RFX2: variants seen among roughly 807,000 people sequenced by gnomAD.
RFX2 encodes the protein DNA-binding protein RFX2.
RFX2 carries 20 observed loss-of-function variants against 87.8 expected under a neutral mutation model. The observed-to-expected ratio is 0.23, with a 90% CI of 0.16 to 0.33. The LOEUF is 0.33. Ranked by LOEUF, RFX2 falls within the 10% of genes least tolerant of loss-of-function variation. The pLI, the probability that RFX2 is intolerant of heterozygous loss-of-function variation, is 1.00. For missense variants in RFX2, 767 were observed against 1,012.3 expected, an observed-to-expected ratio of 0.76 and a Z score of 3.29; for synonymous variants, 397 against 431.3, an observed-to-expected ratio of 0.92 and a Z score of 0.98.
Position 6,022,482 on chromosome 19 carries a change from G to A in RFX2, c.597+3681C>T, listed in dbSNP as rs1449091846. Among the ~76,000 whole-genome samples, 1 of 152,236 alleles carries A rather than the reference G, an allele frequency of 6.6e-6. No individual in the cohort carries two copies. The highest frequency in any genetic ancestry group is 1.9e-4 in the East Asian group (1 of 5,188). On this transcript the variant is annotated intron_variant, in intron 6 of 17. Coordinates refer to ENST00000303657, the MANE Select transcript of RFX2 (RefSeq NM_000635.4). The surrounding 1 kb of genome is among the most constrained non-coding windows in gnomAD (Gnocchi z 6.2). ...CAGACAGCGCCACCTCATGGTGACA[G>A]AGACTCGGTGAACCTGCTACGGGGT...
At chr19:6,104,167 C>T (rs148508212) in intron 1 of RFX2, among the ~76,000 whole-genome samples, 1 of 152,256 alleles carries the variant, frequency 6.6e-6, no homozygotes, top group East Asian at 1.9e-4. Flanking sequence ...GCAACTTTTC[C>T]TTTCCTCTTT....
At chr19:6,062,551 G>A (rs1490190891) in intron 1 of RFX2, among the ~76,000 whole-genome samples, 2 of 152,222 alleles carry the variant, frequency 1.3e-5, no homozygotes, top group Non-Finnish European at 2.9e-5. Context: ...CCTACGTGGA[G>A]CTTCCGTCTC....
intron 13 of RFX2, 152 bp from the exon 14 acceptor site, chr19:6,003,022 T>C (rs1568499511): frequency 4.7e-6 from 4 of 849,628 alleles, no homozygotes; most frequent in Non-Finnish European, 7.1e-6. Context: ...CCTGCTATTC[T>C]TAAGGACCCA....
chr19:6,086,137 T>G (rs146174131), intron 1 of RFX2, among the ~76,000 whole-genome samples: 4 of 150,576 alleles, frequency 2.7e-5, no homozygotes, highest in Non-Finnish European at 5.9e-5. Flanking sequence ...CCAATTTCAT[T>G]CTTTTGAATG....
chr19:6,053,194 G>T (rs902938296), intron 1 of RFX2, among the ~76,000 whole-genome samples: 3 of 152,158 alleles, frequency 2.0e-5, no homozygotes, highest in Non-Finnish European at 2.9e-5. Flanking sequence ...GCCATGAAAA[G>T]ACATGGAAGA....
At chr19:6,072,616 G>A (rs930400573) in intron 1 of RFX2, among the ~76,000 whole-genome samples, 5 of 152,030 alleles carry the variant, frequency 3.3e-5, no homozygotes, top group East Asian at 1.9e-4. Flanking sequence ...GAGGCAGGAG[G>A]ACTGCTTGAG....
rs550440662 is a variant in RFX2, at chr19:6,068,173, G to A, written c.-8-20669C>T. ...ATGGGAGGCTTTGCTTAGGGGACAC[G>A]GCTGGGTTCTGCCTGGATGCTGCAT... On this transcript the variant is annotated intron_variant, in intron 1 of 17. Coordinates refer to ENST00000303657, the MANE Select transcript of RFX2 (RefSeq NM_000635.4). The A allele has an allele frequency of 3.3e-5, 5 of 152,340 alleles. No homozygotes were observed. The East Asian group carries it at 7.7e-4, about 24-fold the overall frequency. 9.4% of individuals were successfully genotyped at this position (152,340 alleles called of 1,614,324 possible).
In RFX2 at chr19:6,013,863, T is replaced by A. The variant is rs1400975289; in HGVS notation, c.780-758A>T. Among the ~76,000 whole-genome samples, 1 of 152,224 alleles carries A rather than the reference T, an allele frequency of 6.6e-6. No individual in the cohort carries two copies. The highest frequency in any genetic ancestry group is 1.5e-5 in the Non-Finnish European group (1 of 68,038). On this transcript the variant is annotated intron_variant, in intron 7 of 17. Transcript: ENST00000303657. This position sits in a 1 kb window ranked among gnomAD's most constrained non-coding sequence, Gnocchi z 4.1. Reference sequence around the variant, plus strand: ...GAGAGTCCTCTCTCACAGGCTAGTATAATAAAGGCTCGGACAAGTCCTGTG... The same window carrying A: ...GAGAGTCCTCTCTCACAGGCTAGTAAAATAAAGGCTCGGACAAGTCCTGTG...
In RFX2 at chr19:6,016,327, C is replaced by A. The variant is rs1599854408; in HGVS notation, c.598-56G>T. Reference sequence around the variant, plus strand: ...CAGAAGCCTGAGGAACGCTAACATGCCAACGTGGACTCATTAAGAGAATTA... The same window carrying A: ...CAGAAGCCTGAGGAACGCTAACATGACAACGTGGACTCATTAAGAGAATTA... On this transcript the variant is annotated intron_variant, in intron 6 of 17. Coordinates refer to ENST00000303657, the MANE Select transcript of RFX2 (RefSeq NM_000635.4). The surrounding 1 kb of genome is among the most constrained non-coding windows in gnomAD (Gnocchi z 5.4). 2 of 1,266,366 alleles carry A rather than the reference C, an allele frequency of 1.6e-6. No homozygotes were observed. The highest frequency in any genetic ancestry group is 2.2e-6 in the Non-Finnish European group (2 of 903,340). The allele number at this position is 1,266,366 out of a possible 1,614,324, so 78.4% of individuals were successfully genotyped here.
intron 1 of RFX2, among the ~76,000 whole-genome samples, chr19:6,080,556 G>A (rs1468561648): frequency 1.3e-5 from 2 of 152,102 alleles, no homozygotes; most frequent in African/African-American, 2.4e-5. Context: ...GTGGTGGAGA[G>A]GGCTCCCCTC....
At position 6,047,552 on chromosome 19, in the gene RFX2, G is replaced by C; in HGVS notation, c.-8-48C>G. 2.1e-6 allele frequency: 3 copies of C among 1,450,620 alleles called. No individual in the cohort carries two copies. The South Asian group carries it at 3.6e-5, about 18-fold the overall frequency. The allele number at this position is 1,450,620 out of a possible 1,614,324, so 89.9% of individuals were successfully genotyped here. A position where few individuals can be genotyped will look rare whatever the true frequency, so the allele number is the denominator to read the frequency against. On this transcript the variant is annotated intron_variant, in intron 1 of 17. Coordinates refer to ENST00000303657, the MANE Select transcript of RFX2 (RefSeq NM_000635.4). The surrounding 1 kb of genome is among the most constrained non-coding windows in gnomAD (Gnocchi z 4.2). ...TGGGTGGGCAAGGGCTGCAAGCACTGAAATCCGAAGAGGCAACTAACAAGT... is the reference window on the plus strand; with the variant it reads ...TGGGTGGGCAAGGGCTGCAAGCACTCAAATCCGAAGAGGCAACTAACAAGT...
intron 1 of RFX2, among the ~76,000 whole-genome samples, chr19:6,106,238 T>C (rs1167350572): frequency 6.7e-6 from 1 of 148,900 alleles, no homozygotes; most frequent in Non-Finnish European, 1.5e-5. Flanking sequence ...TGCCCATCCA[T>C]CCATCCATCC....
In RFX2 at chr19:6,022,316, C is replaced by A. The variant is rs1401821419; in HGVS notation, c.597+3847G>T. Among the ~76,000 whole-genome samples, 2 of 152,234 alleles carry A rather than the reference C, an allele frequency of 1.3e-5. No homozygotes were observed. The highest frequency in any genetic ancestry group is 4.8e-5 in the African/African-American group (2 of 41,456). On this transcript the variant is annotated intron_variant, in intron 6 of 17. Coordinates refer to ENST00000303657, the MANE Select transcript of RFX2 (RefSeq NM_000635.4). This position sits in a 1 kb window ranked among gnomAD's most constrained non-coding sequence, Gnocchi z 6.2. Reference sequence around the variant, plus strand: ...ACAGCACGGCCATCGTGCCAGGCTACACAGGTCACCAGCTGAAGGCTAAAT... The same window carrying A: ...ACAGCACGGCCATCGTGCCAGGCTAAACAGGTCACCAGCTGAAGGCTAAAT...
chr19:6,026,581 T>TA lies in RFX2; in HGVS notation c.523-345_523-344insT. ...TGCAGCCACTGCATCCATTCCAGTGTCAGCCAAGCCAGCATCATAGTCACC... is the reference window on the plus strand; with the variant it reads ...TGCAGCCACTGCATCCATTCCAGTGTACAGCCAAGCCAGCATCATAGTCACC... On this transcript the variant is annotated intron_variant, in intron 5 of 17. Transcript: ENST00000303657. This position sits in a 1 kb window ranked among gnomAD's most constrained non-coding sequence, Gnocchi z 4.5. 2 of 323,352 alleles carry TA rather than the reference T, an allele frequency of 6.2e-6. No homozygotes were observed. Among genetic ancestry groups the TA allele is most frequent in the South Asian group, 2.9e-5 (1 of 34,850 alleles). 20.0% of individuals were successfully genotyped at this position (323,352 alleles called of 1,614,324 possible).
In RFX2 at chr19:6,046,225, G is replaced by A. The variant is rs370799074; in HGVS notation, c.90+1182C>T. 2.0e-4 allele frequency among the ~76,000 whole-genome samples: 31 copies of A among 152,250 alleles called. No individual in the cohort carries two copies. The East Asian group carries it at 3.5e-3, about 17-fold the overall frequency. On this transcript the variant is annotated intron_variant, in intron 2 of 17. Coordinates refer to ENST00000303657, the MANE Select transcript of RFX2 (RefSeq NM_000635.4). ...CTGAATGTGAAAATTCTCTCTCTGCGAATTTTAAAGAATATGTTCATTCAG... is the reference window on the plus strand; with the variant it reads ...CTGAATGTGAAAATTCTCTCTCTGCAAATTTTAAAGAATATGTTCATTCAG...
chr19:6,005,213 G>T (rs2086564567), intron 12 of RFX2, among the ~76,000 whole-genome samples: 1 of 152,206 alleles, frequency 6.6e-6, no homozygotes, highest in Non-Finnish European at 1.5e-5. Flanking sequence ...CAGTTTTCAG[G>T]CAGACAGGCA....
chr19:6,014,011 A>G (rs990095465), intron 7 of RFX2, among the ~76,000 whole-genome samples: 3 of 152,094 alleles, frequency 2.0e-5, no homozygotes, highest in Non-Finnish European at 4.4e-5. Flanking sequence ...GGAATAAGGC[A>G]CTGTTTGGGA....
chr19:6,010,184 G>A lies in RFX2; in HGVS notation c.967C>T (p.Pro323Ser), dbSNP rs771985162. 63 of 1,548,796 alleles carry A rather than the reference G, an allele frequency of 4.1e-5. No individual in the cohort carries two copies. Among genetic ancestry groups the A allele is most frequent in the Non-Finnish European group, 5.4e-5 (62 of 1,146,982 alleles). The change falls in exon 9 of 18, where the codon CCG becomes TCG. Residue 323 changes from proline (P) to serine (S), a missense_variant. Pro to Ser is a moderately conservative substitution (Grantham distance 74). Coordinates refer to ENST00000303657, the MANE Select transcript of RFX2 (RefSeq NM_000635.4). The surrounding 1 kb of genome is among the most constrained non-coding windows in gnomAD (Gnocchi z 5.0). ...CTCTGCACGGCCATGGTCTGTTCCG[G>A]AGTGCTGTGCAGGCCGCTGTGGGAG... ...SGSHSGLHST[P>S]EQTMAVQSQH...
intron 7 of RFX2, among the ~76,000 whole-genome samples, 179 bp downstream of exon 7, chr19:6,015,911 C>T (rs928148649): frequency 6.6e-6 from 1 of 152,256 alleles, no homozygotes. Flanking sequence ...AAGCCGACAC[C>T]GTGGGCTACA....
Sources: gnomAD v4.1 joint callset for allele counts (sites outside exome capture counted in the v4.1 genomes callset) on GRCh38, gnomAD v4.1.1 for gene constraint, Gnocchi (gnomAD v3.1) non-coding constraint, MANE v1.5 for transcripts, NCBI Gene and HGNC (gene_info 2026-07-23, HGNC 2026-07-21) for gene names.